The following ARMC9 variants were observed in gnomAD, a reference collection of about 807,000 sequenced individuals.
ARMC9 encodes the protein armadillo repeat containing 9.
Under a neutral mutation model 107.0 loss-of-function variants are expected in ARMC9, and 94 were observed. The observed-to-expected ratio is 0.88, with a 90% CI of 0.74 to 1.04. ARMC9 has a LOEUF of 1.04. Among genes scored for constraint, ARMC9 ranks in the 50% least tolerant of loss-of-function variants. ARMC9 has a pLI of 0.00. For missense variants in ARMC9, 942 were observed against 1,030.1 expected (o/e 0.91, Z 1.17); for synonymous variants, 380 against 396.9 (o/e 0.96, Z 0.51).
At chr2:231,232,491 G>T (rs1250820471) in intron 7 of ARMC9, among the ~76,000 whole-genome samples, 1 of 146,714 alleles carries the variant, frequency 6.8e-6, no homozygotes, top group Non-Finnish European at 1.5e-5. Context: ...CGCTCTTGTT[G>T]CCCTGGCTGG....
At chr2:231,309,557 T>C (rs749018058) in intron 19 of ARMC9, among the ~76,000 whole-genome samples, 4 of 152,178 alleles carry the variant, frequency 2.6e-5, no homozygotes, top group Non-Finnish European at 5.9e-5. Context: ...TCACTTGGTA[T>C]TCAAAGATGA....
chr2:231,255,887 A>G lies in ARMC9; in HGVS notation c.880-699A>G, dbSNP rs192432239. Among the ~76,000 whole-genome samples the G allele has an allele frequency of 2.3e-3, 344 of 152,274 alleles. 1 individual carries two copies. The highest frequency in any genetic ancestry group is 8.0e-3 in the African/African-American group (331 of 41,556). On this transcript the variant is annotated intron_variant, in intron 9 of 24. Transcript: ENST00000611582. The surrounding 1 kb of genome is among the most constrained non-coding windows in gnomAD (Gnocchi z 4.7). ...CCCGTTTCTACTAAAAATACTAAAC[A>G]AAATTAGCTGAGCATGGTGGCAGGT...
At position 231,305,783 on chromosome 2, in the gene ARMC9, TGTCTACCCATCATACAGCTGCA is replaced by T. The variant is rs1369163523; in HGVS notation, c.1773+9533_1773+9554del. On this transcript the variant is annotated intron_variant, in intron 19 of 24. Transcript: ENST00000611582. Reference sequence around the variant, plus strand: ...GAAAAAAAATAGTAGAGAGGATTCCTGTCTACCCATCATACAGCTGCAGTGGCTTTTTAATTTCTAGTTTGAA... The same window carrying T: ...GAAAAAAAATAGTAGAGAGGATTCCTGTGGCTTTTTAATTTCTAGTTTGAA... 5.3e-5 allele frequency among the ~76,000 whole-genome samples: 8 copies of T among 152,328 alleles called. No homozygotes were observed. The East Asian group carries it at 1.5e-3, about 29-fold the overall frequency.
chr2:231,311,930 C>T (rs1211647928), intron 19 of ARMC9, among the ~76,000 whole-genome samples: 2 of 152,058 alleles, frequency 1.3e-5, no homozygotes, highest in Admixed American at 1.3e-4. Context: ...GTAATTCAGA[C>T]ACCACCCACC....
chr2:231,222,716 T>C lies in ARMC9; in HGVS notation c.505-12T>C. Reference sequence around the variant, plus strand: ...ATCTAATGTTTGTATTTTTGTTCCCTTTTTTCTTTAGGATTCCTGGACTCC... The same window carrying C: ...ATCTAATGTTTGTATTTTTGTTCCCCTTTTTCTTTAGGATTCCTGGACTCC... On this transcript the variant is annotated splice_polypyrimidine_tract_variant and intron_variant, in intron 5 of 24. Coordinates refer to ENST00000611582, the MANE Select transcript of ARMC9 (RefSeq NM_001352754.2). 1.4e-6 allele frequency: 2 copies of C among 1,440,204 alleles called. No individual in the cohort carries two copies. Among genetic ancestry groups the C allele is most frequent in the Non-Finnish European group, 1.9e-6 (2 of 1,032,500 alleles). The allele number at this position is 1,440,204 out of a possible 1,614,324, so 89.2% of individuals were successfully genotyped here.
chr2:231,279,761 C>T (rs373318532), intron 16 of ARMC9, among the ~76,000 whole-genome samples: 15 of 152,142 alleles, frequency 9.9e-5, no homozygotes, highest in African/African-American at 3.1e-4. Flanking sequence ...TCACCCACCT[C>T]GGCCTCCCAA....
intron 19 of ARMC9, among the ~76,000 whole-genome samples, chr2:231,314,363 C>T (rs2042543679): frequency 6.6e-6 from 1 of 152,176 alleles, no homozygotes; most frequent in African/African-American, 2.4e-5. Context: ...CAGGTGTGAG[C>T]CACTGCGCCA....
intron 23 of ARMC9, among the ~76,000 whole-genome samples, chr2:231,366,157 T>G (rs1305420897): frequency 6.6e-6 from 1 of 151,220 alleles, no homozygotes; most frequent in Non-Finnish European, 1.5e-5. Context: ...CAGGGGAGAG[T>G]TGCCGTTCAA....
rs187667231 is a variant in ARMC9 at position 231,330,059 on chromosome 2, A to G, written c.1774-1734A>G. Among the ~76,000 whole-genome samples the G allele has an allele frequency of 5.1e-4, 78 of 152,226 alleles. 1 individual carries two copies. Among genetic ancestry groups the G allele is most frequent in the African/African-American group, 1.9e-3 (77 of 41,516 alleles). On this transcript the variant is annotated intron_variant, in intron 19 of 24. Coordinates refer to ENST00000611582, the MANE Select transcript of ARMC9 (RefSeq NM_001352754.2). ...TACCTTAGTCTTAAACCCACTGGACATATTTGTGTAGGTCCATTTTGGAGT... is the reference window on the plus strand; with the variant it reads ...TACCTTAGTCTTAAACCCACTGGACGTATTTGTGTAGGTCCATTTTGGAGT...
At chr2:231,258,272 C>G (rs143629873) in intron 10 of ARMC9, among the ~76,000 whole-genome samples, 1 of 152,134 alleles carries the variant, frequency 6.6e-6, no homozygotes, top group East Asian at 1.9e-4. Context: ...GCCTCTGCCT[C>G]CTGGGTTCAA....
rs1314446099 is a variant in ARMC9 at position 231,360,783 on chromosome 2, C to T, written c.2161C>T (p.Leu721Phe). 2.6e-6 allele frequency: 4 copies of T among 1,536,170 alleles called. No individual in the cohort carries two copies. The highest frequency in any genetic ancestry group is 1.2e-5 in the South Asian group (1 of 84,068). The part of the protein sequence containing the change: ...SAIIAKPGEW[L>F]PRGRQEEPRP... ...CATCATCGCCAAGCCAGGAGAGTGG[C>T]TCCCAAGAGGACGCCAGGAAGAGCC... Residue 721 changes from leucine to phenylalanine, a missense_variant, in exon 23 of 25, where the codon CTC (leucine) becomes TTC (phenylalanine). Transcript: ENST00000611582. The surrounding 1 kb of genome is among the most constrained non-coding windows in gnomAD (Gnocchi z 4.7).
At chr2:231,318,665 A>G (rs990310240) in intron 19 of ARMC9, among the ~76,000 whole-genome samples, 3 of 152,180 alleles carry the variant, frequency 2.0e-5, no homozygotes, top group African/African-American at 7.2e-5. Flanking sequence ...CCAGTGCCCT[A>G]GCACTTCCCC....
At chr2:231,222,537 G>A (rs1331854193) in intron 5 of ARMC9, among the ~76,000 whole-genome samples, 191 bp from the exon 6 acceptor site, 1 of 152,028 alleles carries the variant, frequency 6.6e-6, no homozygotes, top group Non-Finnish European at 1.5e-5. Context: ...TTCCTACTGT[G>A]GGCACTTGAA....
rs2033569161 is a variant in ARMC9, at chr2:231,216,865, G to T, written c.504+72G>T. 2.2e-5 allele frequency: 33 copies of T among 1,485,930 alleles called. No individual in the cohort carries two copies. In the South Asian group the frequency reaches 3.8e-4, roughly 17 times the overall value. 92.0% of individuals were successfully genotyped at this position (1,485,930 alleles called of 1,614,324 possible). A position where few individuals can be genotyped will look rare whatever the true frequency, so the allele number is the denominator to read the frequency against. ...TGGTTTTACCTTCTGTATGCTGGGGGCTTCTGAATGATGCTTTAAAAAAAC... is the reference window on the plus strand; with the variant it reads ...TGGTTTTACCTTCTGTATGCTGGGGTCTTCTGAATGATGCTTTAAAAAAAC... On this transcript the variant is annotated intron_variant, in intron 5 of 24. Transcript: ENST00000611582.
intron 12 of ARMC9, among the ~76,000 whole-genome samples, chr2:231,266,831 G>A (rs537440779): frequency 1.3e-5 from 2 of 152,224 alleles, no homozygotes; most frequent in Non-Finnish European, 1.5e-5. Context: ...CATATTTTGC[G>A]TATCTATCTC....
chr2:231,230,001 A>G (rs2035054927), intron 7 of ARMC9, among the ~76,000 whole-genome samples: 1 of 152,210 alleles, frequency 6.6e-6, no homozygotes, highest in Admixed American at 6.5e-5. Context: ...AATAAATTTC[A>G]CTGGCATGAC....
intron 12 of ARMC9, among the ~76,000 whole-genome samples, chr2:231,263,536 A>G (rs1003649636): frequency 6.6e-6 from 1 of 152,210 alleles, no homozygotes; most frequent in African/African-American, 2.4e-5. Context: ...TTAATGCCTA[A>G]TATCCTCTTA....
chr2:231,239,710 G>A (rs901435580), intron 8 of ARMC9, among the ~76,000 whole-genome samples: 5 of 152,222 alleles, frequency 3.3e-5, no homozygotes, highest in Admixed American at 1.3e-4. Context: ...GCAGTCTGAT[G>A]TCTCATGAGC....
intron 21 of ARMC9, among the ~76,000 whole-genome samples, chr2:231,354,386 T>C (rs2045247763): frequency 7.0e-6 from 1 of 143,276 alleles, no homozygotes; most frequent in Admixed American, 6.9e-5. Flanking sequence ...ATTTTTTTTT[T>C]TTTTTTTTTT....
Sources: gnomAD v4.1 joint callset for allele counts (sites outside exome capture counted in the v4.1 genomes callset) on GRCh38, gnomAD v4.1.1 for gene constraint, Gnocchi (gnomAD v3.1) non-coding constraint, MANE v1.5 for transcripts, NCBI Gene and HGNC (gene_info 2026-07-23, HGNC 2026-07-21) for gene names.